The following SMG6 variants were observed in gnomAD, a reference collection of about 807,000 sequenced individuals.
The protein encoded by SMG6 is telomerase-binding protein EST1A.
A neutral mutation model predicts 142.2 loss-of-function variants in SMG6; 66 were observed. That is an observed-to-expected ratio of 0.46 (90% confidence interval 0.38 to 0.57). The LOEUF (loss-of-function observed/expected upper bound fraction) is 0.57, where lower values mean the gene tolerates loss of function less well. Among genes scored for constraint, SMG6 ranks in the 20% least tolerant of loss-of-function variants. The pLI is 0.00. For synonymous variants in SMG6, 779 were observed against 702.4 expected, an observed-to-expected ratio of 1.11 and a Z score of -1.72; for missense variants, 1,793 against 1,832.0, an observed-to-expected ratio of 0.98 and a Z score of 0.39.
intron 8 of SMG6, among the ~76,000 whole-genome samples, chr17:2,278,306 G>A (rs911737690): frequency 5.9e-5 from 9 of 151,500 alleles, no homozygotes; most frequent in Non-Finnish European, 1.2e-4. Flanking sequence ...GGGTTCAAGC[G>A]ATTCTCTTGC....
chr17:2,265,369 G>A (rs569905027), intron 8 of SMG6, among the ~76,000 whole-genome samples: 3 of 136,980 alleles, frequency 2.2e-5, no homozygotes, highest in Admixed American at 1.5e-4. Flanking sequence ...AATTAGCAGC[G>A]GGTGGTGACA....
Position 2,299,730 on chromosome 17 carries a change from G to C in SMG6, c.1023C>G (p.Asn341Lys), listed in dbSNP as rs1160945727. The change falls in exon 2 of 19, where the codon AAC (asparagine) becomes AAG (lysine). Residue 341 changes from asparagine to lysine, a missense_variant. By Grantham distance (94) the Asn-to-Lys change is moderately conservative. Coordinates refer to ENST00000263073, the MANE Select transcript of SMG6 (RefSeq NM_017575.5). The surrounding 1 kb of genome is among the most constrained non-coding windows in gnomAD (Gnocchi z 4.3). ...WSGRGEGEQK[N>K]SAKEYRGTLR... Reference sequence around the variant, plus strand: ...GAGTGCCTCGATATTCTTTAGCACTGTTTTTCTGCTCACCCTCCCCACGGC... The same window carrying C: ...GAGTGCCTCGATATTCTTTAGCACTCTTTTTCTGCTCACCCTCCCCACGGC... 2 of 1,614,044 alleles carry C rather than the reference G, an allele frequency of 1.2e-6. No homozygotes were observed. Among genetic ancestry groups the C allele is most frequent in the Non-Finnish European group, 1.7e-6 (2 of 1,180,034 alleles).
At chr17:2,105,979 T>C (rs751245081) in intron 13 of SMG6, among the ~76,000 whole-genome samples, 4 of 152,208 alleles carry the variant, frequency 2.6e-5, no homozygotes, top group Admixed American at 1.3e-4. Context: ...CTCCTGATAC[T>C]TGGCACCCAA....
chr17:2,094,432 T>C (rs1225080426), intron 13 of SMG6, among the ~76,000 whole-genome samples: 1 of 151,994 alleles, frequency 6.6e-6, no homozygotes, highest in Non-Finnish European at 1.5e-5. Context: ...AGGGATGGGG[T>C]TTCACCATAT....
chr17:2,302,422 T>C (rs145493251), intron 1 of SMG6, among the ~76,000 whole-genome samples: 141 of 152,078 alleles, frequency 9.3e-4, no homozygotes, highest in Non-Finnish European at 1.7e-3. Flanking sequence ...ACGCCTACAG[T>C]CCAAGCTACT....
At chr17:2,243,998 G>A (rs571761175) in intron 9 of SMG6, among the ~76,000 whole-genome samples, 6 of 152,226 alleles carry the variant, frequency 3.9e-5, no homozygotes, top group South Asian at 4.2e-4. Context: ...CTAGTTTTAT[G>A]CAGAGAGGAA....
intron 4 of SMG6, 81 bp downstream of exon 4, chr17:2,297,160 TAC>T: frequency 1.1e-6 from 1 of 920,280 alleles, no homozygotes; most frequent in East Asian, 2.4e-5. Context: ...CAACACCCAG[TAC>T]AGTGTCTAGC....
intron 18 of SMG6, among the ~76,000 whole-genome samples, chr17:2,064,028 C>G (rs1418171495): frequency 1.3e-5 from 2 of 152,102 alleles, no homozygotes; most frequent in African/African-American, 2.4e-5. Flanking sequence ...CGTAACCAGC[C>G]CCTAGTAAAG....
chr17:2,086,682 C>G (rs948792486), intron 13 of SMG6, among the ~76,000 whole-genome samples: 59 of 152,292 alleles, frequency 3.9e-4, no homozygotes, highest in Non-Finnish European at 8.2e-4. Context: ...GTAAGTGTCT[C>G]AGATTAAGTG....
chr17:2,122,777 C>T (rs895280685), intron 13 of SMG6, among the ~76,000 whole-genome samples: 2 of 152,200 alleles, frequency 1.3e-5, no homozygotes, highest in Non-Finnish European at 1.5e-5. Context: ...GCCAGAGCAG[C>T]TGAAACATGT....
chr17:2,154,152 G>A (rs1403738989), intron 13 of SMG6, among the ~76,000 whole-genome samples: 1 of 147,242 alleles, frequency 6.8e-6, no homozygotes, highest in African/African-American at 2.5e-5. Context: ...GACGGTGACT[G>A]GGAAACCTGA....
At chr17:2,077,399 G>A (rs1475160831) in intron 15 of SMG6, among the ~76,000 whole-genome samples, 4 of 152,192 alleles carry the variant, frequency 2.6e-5, no homozygotes, top group Non-Finnish European at 5.9e-5. Flanking sequence ...GGGCTTCACT[G>A]GGGAAGTGGA....
At chr17:2,207,665 G>C (rs1272022390) in intron 10 of SMG6, among the ~76,000 whole-genome samples, 1 of 152,130 alleles carries the variant, frequency 6.6e-6, no homozygotes, top group African/African-American at 2.4e-5. Flanking sequence ...AGGGGGAATT[G>C]TCTAGATTGT....
intron 13 of SMG6, among the ~76,000 whole-genome samples, chr17:2,136,114 G>A (rs930814038): frequency 6.6e-6 from 1 of 151,908 alleles, no homozygotes; most frequent in Non-Finnish European, 1.5e-5. Flanking sequence ...CCAGGCTGGA[G>A]TGCAGTGGTG....
At chr17:2,266,091 C>CTGTT in intron 8 of SMG6, 4 of 985,384 alleles carry the variant, frequency 4.1e-6, no homozygotes, top group Non-Finnish European at 4.8e-6. Flanking sequence ...CTAGTACTTT[C>CTGTT]TGTTCACCAT....
Position 2,065,543 on chromosome 17 carries a change from G to T in SMG6, c.3972C>A (p.Cys1324Ter). 1 of 1,614,018 alleles carries T rather than the reference G, an allele frequency of 6.2e-7. No individual in the cohort carries two copies. The highest frequency in any genetic ancestry group is 8.5e-7 in the Non-Finnish European group (1 of 1,180,010). The change falls in exon 17 of 19, where the codon TGC (cysteine) becomes TGA (stop). Residue 1324 changes from cysteine to a stop codon, truncating the protein, a stop_gained. Coordinates refer to ENST00000263073, the MANE Select transcript of SMG6 (RefSeq NM_017575.5). LOFTEE classifies it high-confidence loss of function. ...TGCCACGGCTGGTCAGGGCTCGCAGGCAAGAGTCCCGACTCTCGAATCGCT... is the reference window on the plus strand; with the variant it reads ...TGCCACGGCTGGTCAGGGCTCGCAGTCAAGAGTCCCGACTCTCGAATCGCT... ...LEQRFESRDS[C>*]LRALTSRGNE...
chr17:2,066,731 C>T (rs1219392016), intron 16 of SMG6, among the ~76,000 whole-genome samples: 1 of 150,400 alleles, frequency 6.6e-6, no homozygotes, highest in Non-Finnish European at 1.5e-5. Context: ...GCTGCAGTGT[C>T]CACACAGTGC....
At chr17:2,110,457 T>C (rs1158282165) in intron 13 of SMG6, among the ~76,000 whole-genome samples, 1 of 152,142 alleles carries the variant, frequency 6.6e-6, no homozygotes, top group East Asian at 1.9e-4. Context: ...ATGTAAGTGG[T>C]GATATACTAT....
At chr17:2,271,077 T>A (rs900938173) in intron 8 of SMG6, among the ~76,000 whole-genome samples, 1 of 151,578 alleles carries the variant, frequency 6.6e-6, no homozygotes, top group South Asian at 2.1e-4. Context: ...AGCAGGAGGA[T>A]TGCTTGAGTC....
Sources: allele counts gnomAD v4.1 joint callset (sites outside exome capture counted in the v4.1 genomes callset), GRCh38; gene constraint gnomAD v4.1.1; non-coding constraint Gnocchi (gnomAD v3.1); transcripts MANE v1.5; gene names NCBI Gene and HGNC (gene_info 2026-07-23, HGNC 2026-07-21).